ACYP2: variants seen among roughly 807,000 people sequenced by gnomAD.
ACYP2 encodes the protein acylphosphatase 2, also known as acylphosphatase-2.
ACYP2 carries 12 observed loss-of-function variants against 11.2 expected under a neutral mutation model. The observed-to-expected ratio is 1.08, with a 90% CI of 0.69 to 1.74. ACYP2 has a LOEUF of 1.74. Among genes scored for constraint, ACYP2 ranks in the 40% most tolerant of loss-of-function variants. The probability of loss-of-function intolerance (pLI) is 0.00; values close to 1 mark genes in which losing one functional copy is unlikely to be tolerated. For synonymous variants in ACYP2, 43 were observed against 32.2 expected (o/e 1.33, Z -1.13); for missense variants, 134 against 101.9 (o/e 1.31, Z -1.35).
At chr2:54,162,953 A>C (rs972476019) in intron 6 of ACYP2, among the ~76,000 whole-genome samples, 1 of 152,208 alleles carries the variant, frequency 6.6e-6, no homozygotes, top group Admixed American at 6.5e-5. Context: ...ACCGCACCCC[A>C]GTCTGGAGCC....
intron 6 of ACYP2, among the ~76,000 whole-genome samples, chr2:54,220,422 G>A (rs1291094149): frequency 6.6e-6 from 1 of 152,118 alleles, no homozygotes; most frequent in Non-Finnish European, 1.5e-5. Flanking sequence ...ATGCAGTTAT[G>A]TTGACTGAAT....
At chr2:54,091,935 G>A (rs1678256543) in intron 4 of ACYP2, among the ~76,000 whole-genome samples, 1 of 152,168 alleles carries the variant, frequency 6.6e-6, no homozygotes, top group Non-Finnish European at 1.5e-5. Flanking sequence ...GAGAAAGAAA[G>A]TGTTTGTAAT....
At chr2:53,981,877 C>T (rs1321043134) in intron 2 of ACYP2, among the ~76,000 whole-genome samples, 1 of 151,996 alleles carries the variant, frequency 6.6e-6, no homozygotes, top group Non-Finnish European at 1.5e-5. Context: ...AACATATCTC[C>T]GTCATTAAGT....
At chr2:54,265,890 T>C (rs966963558) in intron 6 of ACYP2, among the ~76,000 whole-genome samples, 6 of 152,236 alleles carry the variant, frequency 3.9e-5, no homozygotes, top group Admixed American at 6.5e-5. Flanking sequence ...TTGATAAATA[T>C]TGGCTCTCAT....
chr2:54,093,216 G>C (rs1012117879), intron 4 of ACYP2, among the ~76,000 whole-genome samples: 2 of 152,198 alleles, frequency 1.3e-5, no homozygotes, highest in African/African-American at 4.8e-5. Flanking sequence ...ACAGGAGGAA[G>C]TCAGCAGATA....
chr2:54,127,545 C>T (rs1680603484), intron 4 of ACYP2, among the ~76,000 whole-genome samples: 2 of 152,058 alleles, frequency 1.3e-5, no homozygotes, highest in African/African-American at 2.4e-5. Flanking sequence ...TCCTGGCTAA[C>T]ATAGTGAAAC....
At chr2:54,078,055 G>T (rs1183394240) in intron 4 of ACYP2, among the ~76,000 whole-genome samples, 2 of 149,788 alleles carry the variant, frequency 1.3e-5, no homozygotes, top group Non-Finnish European at 3.0e-5. Context: ...CTGCAACCTC[G>T]GCCTCCCAGG....
intron 2 of ACYP2, among the ~76,000 whole-genome samples, chr2:53,989,988 T>TTTTA (rs1672210372): frequency 6.6e-6 from 1 of 151,378 alleles, no homozygotes; most frequent in Non-Finnish European, 1.5e-5. Context: ...TTTCTTTTTT[T>TTTTA]TTTTTTTTTG....
At chr2:54,010,297 A>T (rs544022289) in intron 2 of ACYP2, among the ~76,000 whole-genome samples, 2 of 152,276 alleles carry the variant, frequency 1.3e-5, no homozygotes, top group East Asian at 3.9e-4. Context: ...CATCCTGGCC[A>T]ACATGGTGAA....
At chr2:54,300,641 T>C (rs898218051) in intron 6 of ACYP2, among the ~76,000 whole-genome samples, 1 of 152,196 alleles carries the variant, frequency 6.6e-6, no homozygotes, top group South Asian at 2.1e-4. Context: ...TTCCACAAAT[T>C]GTTAAATGTG....
chr2:54,195,228 G>T (rs189570900), intron 6 of ACYP2, among the ~76,000 whole-genome samples: 1 of 152,080 alleles, frequency 6.6e-6, no homozygotes, highest in Non-Finnish European at 1.5e-5. Flanking sequence ...TGGTATAGAG[G>T]GCATTGCCAG....
chr2:54,081,705 G>A (rs1677664527), intron 4 of ACYP2, among the ~76,000 whole-genome samples: 1 of 152,128 alleles, frequency 6.6e-6, no homozygotes, highest in Admixed American at 6.5e-5. Flanking sequence ...GAGATTTTTT[G>A]TTTTCATTAG....
chr2:54,040,837 A>T (rs1484263908), intron 2 of ACYP2, among the ~76,000 whole-genome samples: 1 of 152,142 alleles, frequency 6.6e-6, no homozygotes, highest in Non-Finnish European at 1.5e-5. Context: ...GGACATGGGG[A>T]ATATAGACAA....
At chr2:54,005,895 A>C (rs115948617) in intron 2 of ACYP2, among the ~76,000 whole-genome samples, 199 of 152,308 alleles carry the variant, frequency 1.3e-3, no homozygotes, top group Admixed American at 3.8e-3. Flanking sequence ...GAATTGCATT[A>C]AATCTATAGA....
intron 2 of ACYP2, among the ~76,000 whole-genome samples, chr2:53,999,844 A>G (rs1332402663): frequency 6.6e-6 from 1 of 152,180 alleles, no homozygotes; most frequent in African/African-American, 2.4e-5. Flanking sequence ...TTCCCAGGGA[A>G]AATTAAAGTG....
intron 3 of ACYP2, among the ~76,000 whole-genome samples, chr2:54,054,479 T>C (rs1055652521): frequency 6.6e-6 from 1 of 152,250 alleles, no homozygotes; most frequent in Non-Finnish European, 1.5e-5. Flanking sequence ...TTTGATTTTC[T>C]TGAATGTTCT....
intron 6 of ACYP2, among the ~76,000 whole-genome samples, chr2:54,257,046 C>T (rs904226184): frequency 6.6e-6 from 1 of 152,090 alleles, no homozygotes; most frequent in African/African-American, 2.4e-5. Flanking sequence ...TCATTTTCCC[C>T]TTTACCTTAG....
At chr2:54,093,704 G>C (rs1306976123) in intron 4 of ACYP2, among the ~76,000 whole-genome samples, 1 of 152,238 alleles carries the variant, frequency 6.6e-6, no homozygotes, top group Non-Finnish European at 1.5e-5. Flanking sequence ...ACTTCGGGAG[G>C]CCGAGGCGGG....
At chr2:54,106,049 G>C (rs1679138945) in intron 4 of ACYP2, among the ~76,000 whole-genome samples, 1 of 151,936 alleles carries the variant, frequency 6.6e-6, no homozygotes, top group South Asian at 2.1e-4. Flanking sequence ...ATATAAAATG[G>C]AAGTTGGTAT....
Sources: allele counts gnomAD v4.1 joint callset (sites outside exome capture counted in the v4.1 genomes callset), GRCh38; gene constraint gnomAD v4.1.1; transcripts MANE v1.5; gene names NCBI Gene and HGNC (gene_info 2026-07-23, HGNC 2026-07-21).